The following GOLGA4 variants were observed in gnomAD, a reference collection of about 807,000 sequenced individuals.
GOLGA4 encodes the protein golgin subfamily A member 4.
A neutral mutation model predicts 265.9 loss-of-function variants in GOLGA4; 169 were observed. The observed-to-expected ratio is 0.64, with a 90% CI of 0.56 to 0.72. The LOEUF (loss-of-function observed/expected upper bound fraction) is 0.72, where lower values mean the gene tolerates loss of function less well. Ranked by LOEUF, GOLGA4 falls within the 30% of genes least tolerant of loss-of-function variation. The pLI is 0.00. For missense variants in GOLGA4, 2,482 were observed against 2,483.4 expected (o/e 1.00, Z 0.01); for synonymous variants, 923 against 855.8 (o/e 1.08, Z -1.37).
chr3:37,306,501 C>CTGTGTGTGTGTGTGTG (rs35641880), intron 10 of GOLGA4, among the ~76,000 whole-genome samples: 1 of 140,216 alleles, frequency 7.1e-6, no homozygotes, highest in African/African-American at 2.6e-5. Flanking sequence ...TGGCTGTTCT[C>CTGTGTGTGTGTGTGTG]TGTGTGTGTG....
At chr3:37,339,038 A>C (rs1559455148) in intron 19 of GOLGA4, among the ~76,000 whole-genome samples, 1 of 151,502 alleles carries the variant, frequency 6.6e-6, no homozygotes, top group Non-Finnish European at 1.5e-5. Flanking sequence ...ATTTTTTTGT[A>C]TTTTTAGTAG....
chr3:37,331,003 C>T (rs988352796), intron 16 of GOLGA4, among the ~76,000 whole-genome samples: 2 of 149,122 alleles, frequency 1.3e-5, no homozygotes, highest in Admixed American at 1.3e-4. Context: ...TGCACTCCAG[C>T]CTGGGCGACA....
chr3:37,304,504 G>A (rs79995671), intron 10 of GOLGA4, among the ~76,000 whole-genome samples: 1 of 152,132 alleles, frequency 6.6e-6, no homozygotes, highest in Admixed American at 6.5e-5. Flanking sequence ...GGTTCAACAG[G>A]TTTGCTTTCA....
Position 37,315,632 on chromosome 3 carries a change from C to A in GOLGA4, c.1413+34C>A, listed in dbSNP as rs2096935514. ...AATTCTGTAATGAAATGGGCTACAA[C>A]AAATTTGAAATTTAAGTGTATTTTT... is the stretch of plus-strand genomic sequence containing the variant. On this transcript the variant is annotated intron_variant, in intron 11 of 23. Coordinates refer to ENST00000361924, the MANE Select transcript of GOLGA4 (RefSeq NM_002078.5). 5 of 1,540,528 alleles carry A rather than the reference C, an allele frequency of 3.2e-6. No homozygotes were observed. The South Asian group carries it at 4.5e-5, about 14-fold the overall frequency.
intron 2 of GOLGA4, among the ~76,000 whole-genome samples, chr3:37,275,056 A>G (rs1022657766): frequency 1.3e-5 from 2 of 151,672 alleles, no homozygotes. Flanking sequence ...TACTAAAAAT[A>G]CAAAAAAAAA....
At chr3:37,306,585 G>A (rs939530880) in intron 10 of GOLGA4, among the ~76,000 whole-genome samples, 2 of 151,226 alleles carry the variant, frequency 1.3e-5, no homozygotes, top group South Asian at 2.1e-4. Context: ...TTAATGCAGT[G>A]TATTACCAAA....
intron 2 of GOLGA4, among the ~76,000 whole-genome samples, chr3:37,254,197 A>G (rs1336502265): frequency 1.3e-5 from 2 of 152,186 alleles, no homozygotes. Flanking sequence ...CAAATAGGTT[A>G]TATGTATAAA....
chr3:37,247,700 C>G (rs1228981339), intron 1 of GOLGA4, among the ~76,000 whole-genome samples: 1 of 152,130 alleles, frequency 6.6e-6, no homozygotes, highest in Non-Finnish European at 1.5e-5. Flanking sequence ...AGGCTAAAAT[C>G]AATATGTTGT....
rs186093973 is a variant in GOLGA4, at chr3:37,243,789, C to T, written c.72+167C>T. On this transcript the variant is annotated intron_variant, in intron 1 of 23. Coordinates refer to ENST00000361924, the MANE Select transcript of GOLGA4 (RefSeq NM_002078.5). ...GGAGCTCCGGGCGGTGCAGGTCGTCCGTAACTCCTGACCTGGATTTTCCCA... is the reference window on the plus strand; with the variant it reads ...GGAGCTCCGGGCGGTGCAGGTCGTCTGTAACTCCTGACCTGGATTTTCCCA... The T allele has an allele frequency of 9.6e-4, 583 of 604,502 alleles. 2 individuals carry two copies. Among genetic ancestry groups the T allele is most frequent in the African/African-American group, 8.9e-3 (479 of 53,586 alleles). 37.4% of individuals were successfully genotyped at this position (604,502 alleles called of 1,614,324 possible). A position where few individuals can be genotyped will look rare whatever the true frequency, so the allele number is the denominator to read the frequency against.
chr3:37,286,139 T>G (rs1314380818), intron 4 of GOLGA4, 78 bp downstream of exon 4: 1 of 192,426 alleles, frequency 5.2e-6, no homozygotes, highest in East Asian at 1.3e-4. Flanking sequence ...TATTTCTTTC[T>G]TTTTTTTTTT....
intron 5 of GOLGA4, among the ~76,000 whole-genome samples, chr3:37,289,844 G>T (rs927586056): frequency 6.6e-6 from 1 of 152,020 alleles, no homozygotes; most frequent in Non-Finnish European, 1.5e-5. Flanking sequence ...ATACCTTGTC[G>T]CTTCCCTCTG....
At chr3:37,317,411 C>T (rs546208509) in intron 11 of GOLGA4, among the ~76,000 whole-genome samples, 1 of 152,266 alleles carries the variant, frequency 6.6e-6, no homozygotes, top group South Asian at 2.1e-4. Context: ...CTCAGGTGAT[C>T]CACCTGCCTT....
At chr3:37,287,117 G>A (rs2096851627) in intron 4 of GOLGA4, among the ~76,000 whole-genome samples, 1 of 152,212 alleles carries the variant, frequency 6.6e-6, no homozygotes, top group Non-Finnish European at 1.5e-5. Context: ...AAGGCGGGTG[G>A]ATCACCTGAG....
In GOLGA4 at chr3:37,324,578, G is replaced by A; in HGVS notation, c.2692G>A (p.Glu898Lys). Residue 898 changes from glutamate to lysine, a missense_variant, in exon 14 of 24, where the codon GAA (glutamate) becomes AAA (lysine). Transcript: ENST00000361924. The stretch of plus-strand genomic sequence containing the variant: ...GTCCAAACTTGAAGATGGTAACAAA[G>A]AACAGGAACAGACAAAGCAAATCTT... ...YESKLEDGNK[E>K]QEQTKQILVE... The A allele has an allele frequency of 6.2e-7, 1 of 1,613,642 alleles. No individual in the cohort carries two copies. Among genetic ancestry groups the A allele is most frequent in the Non-Finnish European group, 8.5e-7 (1 of 1,179,878 alleles).
chr3:37,324,815 C>T lies in GOLGA4; in HGVS notation c.2929C>T (p.Gln977Ter). Residue 977 changes from glutamine (Q) to a stop codon, truncating the protein, a stop_gained, in exon 14 of 24, where the codon CAG (glutamine) becomes TAG (stop). Transcript: ENST00000361924. LOFTEE classifies it high-confidence loss of function. The stretch of plus-strand genomic sequence containing the variant: ...AACGTTAAAGAAAAAATTACTGGAT[C>T]AGGAAGCCAAACTTAAGAAAGAGCT... ...QETLKKKLLD[Q>*]EAKLKKELEN... 1.9e-6 allele frequency: 3 copies of T among 1,585,660 alleles called. No homozygotes were observed. Among genetic ancestry groups the T allele is most frequent in the Non-Finnish European group, 2.6e-6 (3 of 1,173,084 alleles).
chr3:37,256,270 T>C (rs2096748419), intron 2 of GOLGA4, among the ~76,000 whole-genome samples: 1 of 152,202 alleles, frequency 6.6e-6, no homozygotes, highest in Non-Finnish European at 1.5e-5. Context: ...TTTATATTCA[T>C]GTCCATATTT....
intron 22 of GOLGA4, among the ~76,000 whole-genome samples, chr3:37,360,285 C>A (rs1403424607): frequency 2.0e-5 from 3 of 152,124 alleles, no homozygotes; most frequent in Non-Finnish European, 1.5e-5. Context: ...TTTAGTTCAC[C>A]AGTTTCCTCC....
chr3:37,299,711 C>T (rs2096887758), intron 9 of GOLGA4, among the ~76,000 whole-genome samples: 1 of 152,060 alleles, frequency 6.6e-6, no homozygotes, highest in South Asian at 2.1e-4. Context: ...TATGTTCTTT[C>T]AGATAATATG....
intron 2 of GOLGA4, chr3:37,275,902 C>G: frequency 6.2e-7 from 1 of 1,613,708 alleles, no homozygotes; most frequent in Non-Finnish European, 8.5e-7. Context: ...AGTCTCTCAT[C>G]AAATCCTGGA....
Sources: gnomAD v4.1 joint callset for allele counts (sites outside exome capture counted in the v4.1 genomes callset) on GRCh38, gnomAD v4.1.1 for gene constraint, MANE v1.5 for transcripts, NCBI Gene and HGNC (gene_info 2026-07-23, HGNC 2026-07-21) for gene names.